RPS6KA5: variants seen among roughly 807,000 people sequenced by gnomAD.
RPS6KA5 encodes the protein ribosomal protein S6 kinase alpha-5.
A neutral mutation model predicts 85.5 loss-of-function variants in RPS6KA5; 27 were observed. The ratio of observed to expected loss-of-function variants is 0.32; its 90% CI spans 0.23 to 0.44. RPS6KA5 has a LOEUF of 0.44. Ranked by LOEUF, RPS6KA5 falls within the 20% of genes least tolerant of loss-of-function variation. The probability of loss-of-function intolerance (pLI) is 1.00; values close to 1 mark genes in which losing one functional copy is unlikely to be tolerated. For synonymous variants in RPS6KA5, 334 were observed against 348.2 expected (o/e 0.96, Z 0.46); for missense variants, 811 against 980.9 (o/e 0.83, Z 2.31).
At position 90,854,765 on chromosome 14, in the gene RPS6KA5, C is replaced by T. The variant is rs148391992; in HGVS notation, c.*17309G>A. The T allele has an allele frequency of 8.5e-5, 13 of 152,278 alleles. No homozygotes were observed. Among genetic ancestry groups the T allele is most frequent in the Non-Finnish European group, 1.5e-4 (10 of 68,002 alleles). 9.4% of individuals were successfully genotyped at this position (152,278 alleles called of 1,614,324 possible). A position where few individuals can be genotyped will look rare whatever the true frequency, so the allele number is the denominator to read the frequency against. The stretch of plus-strand genomic sequence containing the variant: ...ACAACTAGACTAATGATGCCAAATA[C>T]TTACACAAGTTCATGCATTTTAGGT... On this transcript the variant is annotated 3_prime_UTR_variant, in exon 17 of 17. Coordinates refer to ENST00000614987, the MANE Select transcript of RPS6KA5 (RefSeq NM_004755.4).
chr14:90,976,919 C>T (rs562835924), intron 3 of RPS6KA5, among the ~76,000 whole-genome samples: 1 of 151,956 alleles, frequency 6.6e-6, no homozygotes, highest in South Asian at 2.1e-4. Context: ...AATAAAATGG[C>T]CAAATATATA....
In RPS6KA5 at chr14:90,865,084, C is replaced by A. The variant is rs559359994; in HGVS notation, c.*6990G>T. The A allele has an allele frequency of 5.9e-5, 9 of 152,266 alleles. No individual in the cohort carries two copies. In the East Asian group the frequency reaches 1.7e-3, roughly 29 times the overall value. 9.4% of individuals were successfully genotyped at this position (152,266 alleles called of 1,614,324 possible). A position where few individuals can be genotyped will look rare whatever the true frequency, so the allele number is the denominator to read the frequency against. On this transcript the variant is annotated 3_prime_UTR_variant, in exon 17 of 17. Transcript: ENST00000614987. ...TTTGTCTGTTTTTTTGAGACAGGGT[C>A]TCACTCTATCGCCCAGGATGGAATG...
chr14:90,929,596 G>C (rs1215621417), intron 5 of RPS6KA5, among the ~76,000 whole-genome samples: 1 of 151,952 alleles, frequency 6.6e-6, no homozygotes, highest in East Asian at 1.9e-4. Context: ...ATTTTTGAAA[G>C]ACATAAAAAA....
rs982616429 is a variant in RPS6KA5, at chr14:90,853,735, C to T, written c.*18339G>A. ...TCTCTATATTAAATCAAAATCGTAA[C>T]CATCTTGAAAGCTAAATTAAAATAA... is the stretch of plus-strand genomic sequence containing the variant. On this transcript the variant is annotated 3_prime_UTR_variant, in exon 17 of 17. Transcript: ENST00000614987. 1.9e-4 allele frequency: 29 copies of T among 150,008 alleles called. No homozygotes were observed. The highest frequency in any genetic ancestry group is 7.1e-4 in the African/African-American group (29 of 41,088). The allele number at this position is 150,008 out of a possible 1,614,324, so 9.3% of individuals were successfully genotyped here.
chr14:91,059,867 G>A (rs1369046715), intron 1 of RPS6KA5, among the ~76,000 whole-genome samples: 1 of 152,242 alleles, frequency 6.6e-6, no homozygotes, highest in Non-Finnish European at 1.5e-5. Flanking sequence ...AGCACCTTAG[G>A]GGATGGCTCC....
chr14:90,890,976 C>T (rs766603574), intron 13 of RPS6KA5, among the ~76,000 whole-genome samples: 5 of 152,086 alleles, frequency 3.3e-5, no homozygotes, highest in Admixed American at 6.6e-5. Flanking sequence ...CCTCCGCCAA[C>T]CTACCTCCCC....
At chr14:90,997,915 A>T (rs1418023587) in intron 2 of RPS6KA5, among the ~76,000 whole-genome samples, 1 of 143,756 alleles carries the variant, frequency 7.0e-6, no homozygotes, top group East Asian at 2.2e-4. Context: ...CCGGAGGCTG[A>T]GGCAGGGGAA....
chr14:91,020,534 C>CTGTGTGTGTGTGTG (rs34407471), intron 1 of RPS6KA5, among the ~76,000 whole-genome samples: 40 of 110,058 alleles, frequency 3.6e-4, no homozygotes, highest in African/African-American at 1.3e-3. Context: ...TAAGGAATGA[C>CTGTGTGTGTGTGTG]TGTGTGTGTG....
In RPS6KA5 at chr14:91,000,292, T is replaced by C. The variant is rs2040729230; in HGVS notation, c.175+796A>G. On this transcript the variant is annotated intron_variant, in intron 2 of 16. Coordinates refer to ENST00000614987, the MANE Select transcript of RPS6KA5 (RefSeq NM_004755.4). ...AAAAGTAGATCATTTTAATCTATTATATACATTATAGAACATAGAGATCCA... is the reference window on the plus strand; with the variant it reads ...AAAAGTAGATCATTTTAATCTATTACATACATTATAGAACATAGAGATCCA... Among the ~76,000 whole-genome samples, 5 of 152,334 alleles carry C rather than the reference T, an allele frequency of 3.3e-5. No individual in the cohort carries two copies. The South Asian group carries it at 1.0e-3, about 32-fold the overall frequency.
chr14:91,001,167 A>G lies in RPS6KA5; in HGVS notation c.104-8T>C, dbSNP rs748762045. The G allele has an allele frequency of 2.0e-5, 31 of 1,584,254 alleles. No individual in the cohort carries two copies. Among genetic ancestry groups the G allele is most frequent in the Non-Finnish European group, 2.4e-5 (28 of 1,164,232 alleles). ...CATGTCCTGTCAAATTAGCTAAAAG[A>G]AAAAAAGAGGAAAAAAAAAACAAGA... On this transcript the variant is annotated splice_polypyrimidine_tract_variant and splice_region_variant and intron_variant, in intron 1 of 16. Coordinates refer to ENST00000614987, the MANE Select transcript of RPS6KA5 (RefSeq NM_004755.4).
At chr14:90,978,124 C>A (rs2039644984) in intron 3 of RPS6KA5, among the ~76,000 whole-genome samples, 182 bp downstream of exon 3, 1 of 152,104 alleles carries the variant, frequency 6.6e-6, no homozygotes, top group Non-Finnish European at 1.5e-5. Flanking sequence ...TCCATAATGG[C>A]ATAATGGGAG....
At chr14:90,940,723 C>T (rs747170799) in intron 5 of RPS6KA5, among the ~76,000 whole-genome samples, 17 of 152,164 alleles carry the variant, frequency 1.1e-4, no homozygotes, top group Non-Finnish European at 2.1e-4. Flanking sequence ...TGGTCTGCGG[C>T]CTGTTAGGAA....
At chr14:90,949,145 TA>T (rs2140374951) in intron 3 of RPS6KA5, among the ~76,000 whole-genome samples, 1 of 152,330 alleles carries the variant, frequency 6.6e-6, no homozygotes, top group South Asian at 2.1e-4. Context: ...TGCAAACTAA[TA>T]ATGAACTTTT....
At chr14:90,988,544 T>C (rs1315292454) in intron 2 of RPS6KA5, among the ~76,000 whole-genome samples, 1 of 152,164 alleles carries the variant, frequency 6.6e-6, no homozygotes, top group Non-Finnish European at 1.5e-5. Context: ...AGGCTGGGCA[T>C]GGTGGCTCAC....
At chr14:90,886,106 AT>A (rs1190718834) in intron 14 of RPS6KA5, among the ~76,000 whole-genome samples, 2 of 152,090 alleles carry the variant, frequency 1.3e-5, no homozygotes, top group African/African-American at 2.4e-5. Flanking sequence ...GCATATATGT[AT>A]TATATATACT....
chr14:91,045,283 T>TG (rs1203571877), intron 1 of RPS6KA5, among the ~76,000 whole-genome samples: 1 of 145,254 alleles, frequency 6.9e-6, no homozygotes, highest in Non-Finnish European at 1.5e-5. Context: ...TTTTTTGAGA[T>TG]GGAGTCTTGC....
In RPS6KA5 at chr14:90,864,660, T is replaced by C. The variant is rs550719624; in HGVS notation, c.*7414A>G. 3.3e-5 allele frequency: 5 copies of C among 152,182 alleles called. No individual in the cohort carries two copies. The highest frequency in any genetic ancestry group is 1.2e-4 in the African/African-American group (5 of 41,544). 9.4% of individuals were successfully genotyped at this position (152,182 alleles called of 1,614,324 possible). ...CAAAAACCCTCATATCCATAAAATA[T>C]AAAAGACTCCTGCAAGTCAGTAAGA... On this transcript the variant is annotated 3_prime_UTR_variant, in exon 17 of 17. Transcript: ENST00000614987.
intron 4 of RPS6KA5, among the ~76,000 whole-genome samples, chr14:90,945,416 C>T (rs968595129): frequency 6.6e-6 from 1 of 152,322 alleles, no homozygotes; most frequent in African/African-American, 2.4e-5. Context: ...TCCTAAAAAA[C>T]AACCTCTTTA....
At position 90,863,326 on chromosome 14, in the gene RPS6KA5, A is replaced by AAAAAAAAAAAAAAAAAAAG. The variant is rs1566662643; in HGVS notation, c.*8747_*8748insCTTTTTTTTTTTTTTTTTT. ...TCAAAAAAAAAAAAAAAAAAAAAAA[A>AAAAAAAAAAAAAAAAAAAG]AAAAGAAAAGAAAAGAAAAAAATAT... On this transcript the variant is annotated 3_prime_UTR_variant, in exon 17 of 17. Transcript: ENST00000614987. The AAAAAAAAAAAAAAAAAAAG allele has an allele frequency of 3.5e-5, 5 of 141,498 alleles. No individual in the cohort carries two copies. Among genetic ancestry groups the AAAAAAAAAAAAAAAAAAAG allele is most frequent in the African/African-American group, 1.4e-4 (5 of 35,482 alleles). The allele number at this position is 141,498 out of a possible 1,614,324, so 8.8% of individuals were successfully genotyped here.
Sources: allele counts gnomAD v4.1 joint callset (sites outside exome capture counted in the v4.1 genomes callset), GRCh38; gene constraint gnomAD v4.1.1; transcripts MANE v1.5; gene names NCBI Gene and HGNC (gene_info 2026-07-23, HGNC 2026-07-21).